Variants in PRKCE observed in about 807,000 individuals in gnomAD.
PRKCE encodes the protein protein kinase C epsilon.
A neutral mutation model predicts 85.4 loss-of-function variants in PRKCE; 16 were observed. That is an observed-to-expected ratio of 0.19 (90% confidence interval 0.13 to 0.28). PRKCE has a LOEUF of 0.28. PRKCE is among the 10% of genes least tolerant of loss of function. The probability of loss-of-function intolerance (pLI) is 1.00; values close to 1 mark genes in which losing one functional copy is unlikely to be tolerated. For missense variants in PRKCE, 573 were observed against 975.2 expected (o/e 0.59, Z 5.49); for synonymous variants, 388 against 371.5 (o/e 1.04, Z -0.51).
At chr2:45,992,200 T>G (rs1396802393) in intron 6 of PRKCE, among the ~76,000 whole-genome samples, 3 of 152,064 alleles carry the variant, frequency 2.0e-5, no homozygotes, top group African/African-American at 7.2e-5. Context: ...TTTGGTTGAC[T>G]CAGAATCCTT....
intron 1 of PRKCE, among the ~76,000 whole-genome samples, chr2:45,835,855 A>T (rs1690828535): frequency 6.6e-6 from 1 of 152,104 alleles, no homozygotes; most frequent in Non-Finnish European, 1.5e-5. Context: ...TCAGCTTCCC[A>T]AAGTGTTGGG....
At chr2:45,782,619 C>T (rs1326570164) in intron 1 of PRKCE, among the ~76,000 whole-genome samples, 1 of 152,074 alleles carries the variant, frequency 6.6e-6, no homozygotes, top group African/African-American at 2.4e-5. Context: ...AGATAATGTA[C>T]CCTTGTGTTT....
intron 11 of PRKCE, among the ~76,000 whole-genome samples, chr2:46,136,113 T>G (rs1344712354): frequency 2.0e-5 from 3 of 152,138 alleles, no homozygotes; most frequent in African/African-American, 7.2e-5. Context: ...CATGAAGTAA[T>G]TTTTCTAATC....
chr2:45,845,646 G>C (rs571765477), intron 2 of PRKCE: 1 of 152,188 alleles, frequency 6.6e-6, no homozygotes. Flanking sequence ...TCTAGGATGC[G>C]CCGAAGGATT....
intron 1 of PRKCE, among the ~76,000 whole-genome samples, chr2:45,679,640 G>A (rs144397338): frequency 4.6e-5 from 7 of 152,252 alleles, no homozygotes; most frequent in East Asian, 3.9e-4. Context: ...GGGGTGGATC[G>A]GGATAATGCA....
intron 1 of PRKCE, among the ~76,000 whole-genome samples, chr2:45,730,311 C>T (rs374748947): frequency 1.4e-4 from 21 of 152,102 alleles, no homozygotes; most frequent in East Asian, 7.7e-4. Flanking sequence ...GGCCACCATA[C>T]CCAGCTAATT....
intron 13 of PRKCE, among the ~76,000 whole-genome samples, chr2:46,157,140 TA>T (rs1182929198): frequency 2.0e-5 from 3 of 152,176 alleles, no homozygotes; most frequent in Admixed American, 6.5e-5. Flanking sequence ...CTCTCTTGGG[TA>T]ATTAACTTGG....
At chr2:45,835,984 A>T (rs1690842855) in intron 1 of PRKCE, among the ~76,000 whole-genome samples, 1 of 152,190 alleles carries the variant, frequency 6.6e-6, no homozygotes, top group Non-Finnish European at 1.5e-5. Context: ...CATTTGGGAC[A>T]TTTCCAGTTT....
intron 1 of PRKCE, among the ~76,000 whole-genome samples, chr2:45,758,625 C>G (rs1293960485): frequency 6.6e-6 from 1 of 152,236 alleles, no homozygotes; most frequent in African/African-American, 2.4e-5. Context: ...ATTGCAGGCC[C>G]TTCCTCCCCT....
chr2:46,053,063 C>G (rs937337062), intron 10 of PRKCE, among the ~76,000 whole-genome samples: 6 of 152,204 alleles, frequency 3.9e-5, no homozygotes, highest in African/African-American at 1.2e-4. Context: ...AGGGAACCAG[C>G]AGCAGAAAGA....
At position 45,895,823 on chromosome 2, in the gene PRKCE, T is replaced by C. The variant is rs28693075; in HGVS notation, c.412+52760T>C. Among the ~76,000 whole-genome samples the C allele has an allele frequency of 0.029, 4,436 of 152,062 alleles. 195 individuals are homozygous for C. The highest frequency in any genetic ancestry group is 0.1 in the African/African-American group (4,166 of 41,456). Reference sequence around the variant, plus strand: ...CGCAGGTGCGCAGGTGTAGAGGAAGTGCTGTAGGGCCGCAGGGGTTGGGGC... The same window carrying C: ...CGCAGGTGCGCAGGTGTAGAGGAAGCGCTGTAGGGCCGCAGGGGTTGGGGC... On this transcript the variant is annotated intron_variant, in intron 2 of 14. Coordinates refer to ENST00000306156, the MANE Select transcript of PRKCE (RefSeq NM_005400.3). The surrounding 1 kb of genome is among the most constrained non-coding windows in gnomAD (Gnocchi z 4.8).
intron 1 of PRKCE, among the ~76,000 whole-genome samples, chr2:45,810,825 G>T (rs11900399): frequency 1.3e-5 from 2 of 152,198 alleles, no homozygotes; most frequent in South Asian, 4.1e-4. Context: ...GGGCACATTC[G>T]TATTATTAAC....
chr2:45,972,975 G>C (rs1171665114), intron 2 of PRKCE, among the ~76,000 whole-genome samples: 3 of 152,180 alleles, frequency 2.0e-5, no homozygotes, highest in Non-Finnish European at 1.5e-5. Flanking sequence ...AACAAAGATG[G>C]AAGCATCACA....
intron 10 of PRKCE, among the ~76,000 whole-genome samples, chr2:46,020,613 G>A (rs544327992): frequency 6.6e-6 from 1 of 152,326 alleles, no homozygotes; most frequent in East Asian, 1.9e-4. Context: ...GCACAGAAGT[G>A]CCTGCTGATG....
At chr2:46,133,405 C>A (rs937208149) in intron 11 of PRKCE, among the ~76,000 whole-genome samples, 1 of 152,184 alleles carries the variant, frequency 6.6e-6, no homozygotes, top group Non-Finnish European at 1.5e-5. Flanking sequence ...TCATGTCCAT[C>A]TCTCCTTCTA....
At chr2:46,006,426 G>C (rs926077358) in intron 8 of PRKCE, among the ~76,000 whole-genome samples, 2 of 152,160 alleles carry the variant, frequency 1.3e-5, no homozygotes, top group African/African-American at 2.4e-5. Context: ...ACACGTCTCA[G>C]AGGAGCCAAA....
chr2:46,145,304 G>C lies in PRKCE; in HGVS notation c.1731+73G>C. 1.9e-6 allele frequency: 3 copies of C among 1,556,992 alleles called. No individual in the cohort carries two copies. Among genetic ancestry groups the C allele is most frequent in the Admixed American group, 1.7e-5 (1 of 59,500 alleles). On this transcript the variant is annotated intron_variant, in intron 12 of 14. Coordinates refer to ENST00000306156, the MANE Select transcript of PRKCE (RefSeq NM_005400.3). The surrounding 1 kb of genome is among the most constrained non-coding windows in gnomAD (Gnocchi z 4.6). ...GGCAGGGGTCCAAACCCATGCACTGGGGTCATCTAGTGGTGCTGGGGGAAG... is the reference window on the plus strand; with the variant it reads ...GGCAGGGGTCCAAACCCATGCACTGCGGTCATCTAGTGGTGCTGGGGGAAG...
intron 2 of PRKCE, among the ~76,000 whole-genome samples, chr2:45,963,492 A>C (rs551754604): frequency 1.3e-5 from 2 of 152,096 alleles, no homozygotes; most frequent in South Asian, 4.1e-4. Flanking sequence ...TGTTTTTACT[A>C]GAGACAGGGT....
intron 13 of PRKCE, among the ~76,000 whole-genome samples, 156 bp downstream of exon 13, chr2:46,151,385 G>T (rs1431251388): frequency 6.6e-6 from 1 of 152,040 alleles, no homozygotes; most frequent in Non-Finnish European, 1.5e-5. Context: ...ACCACGGAAT[G>T]GGAAGGATTA....
Sources: allele counts gnomAD v4.1 joint callset (sites outside exome capture counted in the v4.1 genomes callset), GRCh38; gene constraint gnomAD v4.1.1; non-coding constraint Gnocchi (gnomAD v3.1); transcripts MANE v1.5; gene names NCBI Gene and HGNC (gene_info 2026-07-23, HGNC 2026-07-21).